CDH13: variants seen among roughly 807,000 people sequenced by gnomAD.
CDH13 encodes cadherin 13.
Under a neutral mutation model 63.8 loss-of-function variants are expected in CDH13, and 24 were observed. The observed-to-expected ratio is 0.38, with a 90% CI of 0.27 to 0.53. The LOEUF (loss-of-function observed/expected upper bound fraction) is 0.53, where lower values mean the gene tolerates loss of function less well. CDH13 is among the 20% of genes least tolerant of loss of function. The pLI, the probability that CDH13 is intolerant of heterozygous loss-of-function variation, is 0.85. For missense variants in CDH13, 1,049 were observed against 903.1 expected, an observed-to-expected ratio of 1.16 and a Z score of -2.07; for synonymous variants, 503 against 355.3, an observed-to-expected ratio of 1.42 and a Z score of -4.67.
At chr16:83,102,690 G>C (rs933506028) in intron 3 of CDH13, among the ~76,000 whole-genome samples, 1 of 152,144 alleles carries the variant, frequency 6.6e-6, no homozygotes, top group Admixed American at 6.6e-5. Context: ...GTATAGTCAG[G>C]AGATGTGGAG....
At chr16:82,710,014 G>A (rs1308983200) in intron 1 of CDH13, among the ~76,000 whole-genome samples, 1 of 151,162 alleles carries the variant, frequency 6.6e-6, no homozygotes, top group Admixed American at 6.6e-5. Flanking sequence ...GGTTAGGATG[G>A]GCTGACAAAG....
chr16:83,261,803 A>G (rs542034672), intron 5 of CDH13, among the ~76,000 whole-genome samples: 88 of 151,894 alleles, frequency 5.8e-4, no homozygotes, highest in African/African-American at 2.0e-3. Flanking sequence ...GGGTACCAGG[A>G]CACCCTGCCT....
At chr16:83,590,829 G>T (rs968095330) in intron 7 of CDH13, among the ~76,000 whole-genome samples, 1 of 151,062 alleles carries the variant, frequency 6.6e-6, no homozygotes, top group Non-Finnish European at 1.5e-5. Context: ...CTTTGGCCCT[G>T]CCCTGAACCT....
At chr16:83,532,007 A>G (rs1365501191) in intron 7 of CDH13, among the ~76,000 whole-genome samples, 1 of 152,066 alleles carries the variant, frequency 6.6e-6, no homozygotes, top group South Asian at 2.1e-4. Flanking sequence ...TAATTGAATC[A>G]TGGGGGCAGG....
At chr16:82,917,621 G>C (rs2151275152) in intron 2 of CDH13, among the ~76,000 whole-genome samples, 1 of 152,268 alleles carries the variant, frequency 6.6e-6, no homozygotes, top group East Asian at 1.9e-4. Flanking sequence ...GTTTAAAAGA[G>C]AACATATAGG....
intron 1 of CDH13, among the ~76,000 whole-genome samples, chr16:82,635,102 C>G (rs1013940649): frequency 2.0e-5 from 3 of 152,218 alleles, no homozygotes; most frequent in Non-Finnish European, 4.4e-5. Context: ...CCTAGGTGTT[C>G]TTTGTCTTTC....
chr16:82,982,793 C>A (rs1325335546), intron 2 of CDH13, among the ~76,000 whole-genome samples: 1 of 152,222 alleles, frequency 6.6e-6, no homozygotes, highest in African/African-American at 2.4e-5. Flanking sequence ...CTTCCTTCTA[C>A]AAATGGCCCT....
intron 2 of CDH13, among the ~76,000 whole-genome samples, chr16:82,995,488 A>G (rs917657036): frequency 6.6e-6 from 1 of 152,196 alleles, no homozygotes; most frequent in Non-Finnish European, 1.5e-5. Flanking sequence ...AATTAAGCTG[A>G]AAAGGGTAAC....
In CDH13 at chr16:83,012,603, G is replaced by A. The variant is rs372531270; in HGVS notation, c.158-19407G>A. Among the ~76,000 whole-genome samples, 6 of 152,058 alleles carry A rather than the reference G, an allele frequency of 3.9e-5. No homozygotes were observed. The South Asian group carries it at 1.0e-3, about 26-fold the overall frequency. ...ATGACAAATCATATTAAAAGATAAC[G>A]GATCACTTTAAGTATGGGAAACAGA... On this transcript the variant is annotated intron_variant, in intron 2 of 13. Transcript: ENST00000567109.
At chr16:82,706,385 C>T (rs952653610) in intron 1 of CDH13, among the ~76,000 whole-genome samples, 15 of 152,226 alleles carry the variant, frequency 9.9e-5, no homozygotes, top group Non-Finnish European at 1.9e-4. Flanking sequence ...GGAGAATTAT[C>T]TGCATATAAG....
rs145660251 is a variant in CDH13 at position 82,891,867 on chromosome 16, G to C, written c.157+33394G>C. On this transcript the variant is annotated intron_variant, in intron 2 of 13. Transcript: ENST00000567109. ...TTCATATATGTGAATGCTCCTTAAA[G>C]CTTCCCTATAACCTTGGATACTGCT... Among the ~76,000 whole-genome samples the C allele has an allele frequency of 2.0e-5, 3 of 152,288 alleles. No individual in the cohort carries two copies. In the East Asian group the frequency reaches 5.8e-4, roughly 29 times the overall value.
rs1054292625 is a variant in CDH13 at position 83,718,126 on chromosome 16, C to G, written c.1539-29982C>G. Reference sequence around the variant, plus strand: ...AAATAGTTTAGTTGGCAGAAAATCCCATAAAATACCAGCGGGAGAGCAGGA... The same window carrying G: ...AAATAGTTTAGTTGGCAGAAAATCCGATAAAATACCAGCGGGAGAGCAGGA... On this transcript the variant is annotated intron_variant, in intron 10 of 13. Coordinates refer to ENST00000567109, the MANE Select transcript of CDH13 (RefSeq NM_001257.5). 6.6e-5 allele frequency among the ~76,000 whole-genome samples: 10 copies of G among 152,266 alleles called. No homozygotes were observed. In the East Asian group the frequency reaches 1.7e-3, roughly 27 times the overall value.
chr16:82,866,377 C>CTTTT (rs538206338), intron 2 of CDH13, among the ~76,000 whole-genome samples: 1,434 of 58,294 alleles, frequency 0.025, 184 homozygotes, highest in African/African-American at 0.033. Flanking sequence ...TTTTCTTCTT[C>CTTTT]TTTTTTTTTT....
At chr16:83,749,837 G>A (rs76373291) in intron 11 of CDH13, among the ~76,000 whole-genome samples, 2,905 of 152,286 alleles carry the variant, frequency 0.019, 105 homozygotes, top group African/African-American at 0.067. Flanking sequence ...TGTCCAGCCT[G>A]GGGGGTAGTC....
intron 7 of CDH13, among the ~76,000 whole-genome samples, chr16:83,487,119 C>T (rs949376126): frequency 2.0e-5 from 3 of 152,154 alleles, no homozygotes; most frequent in Non-Finnish European, 4.4e-5. Flanking sequence ...CCCCCTTGAA[C>T]CCCTCTCTTC....
At chr16:83,185,934 C>T (rs751470205) in intron 4 of CDH13, among the ~76,000 whole-genome samples, 2 of 152,160 alleles carry the variant, frequency 1.3e-5, no homozygotes, top group South Asian at 4.2e-4. Context: ...TGTCCGAAAA[C>T]CAATTATCAT....
intron 2 of CDH13, among the ~76,000 whole-genome samples, chr16:82,927,473 G>C (rs920556756): frequency 6.6e-6 from 1 of 152,124 alleles, no homozygotes; most frequent in Non-Finnish European, 1.5e-5. Context: ...GATACCTCAC[G>C]TGAGTAGAGG....
intron 5 of CDH13, among the ~76,000 whole-genome samples, chr16:83,343,077 A>G (rs1018800111): frequency 6.6e-6 from 1 of 151,566 alleles, no homozygotes; most frequent in African/African-American, 2.4e-5. Context: ...TGTTCACTTC[A>G]TTTTTTCTTA....
chr16:83,278,504 A>G (rs1013797132), intron 5 of CDH13, among the ~76,000 whole-genome samples: 7 of 152,210 alleles, frequency 4.6e-5, no homozygotes, highest in African/African-American at 1.7e-4. Context: ...GAATCCCGTT[A>G]TAGTTGGTTT....
Sources: allele counts gnomAD v4.1 joint callset (sites outside exome capture counted in the v4.1 genomes callset), GRCh38; gene constraint gnomAD v4.1.1; transcripts MANE v1.5; gene names NCBI Gene and HGNC (gene_info 2026-07-23, HGNC 2026-07-21).